ZNF428: variants seen among roughly 807,000 people sequenced by gnomAD.
The protein encoded by ZNF428 is zinc finger protein 428.
ZNF428 carries 5 observed loss-of-function variants against 15.6 expected under a neutral mutation model. That is an observed-to-expected ratio of 0.32 (90% CI 0.17 to 0.67). The LOEUF is 0.67. ZNF428 is among the 30% of genes least tolerant of loss of function. The pLI, the probability that ZNF428 is intolerant of heterozygous loss-of-function variation, is 0.73. For synonymous variants in ZNF428, 97 were observed against 102.2 expected (o/e 0.95, Z 0.31); for missense variants, 237 against 256.0 (o/e 0.93, Z 0.51).
chr19:43,613,100 G>A, intron 2 of ZNF428: 2 of 1,551,542 alleles, frequency 1.3e-6, no homozygotes, highest in Non-Finnish European at 1.7e-6. Context: ...GAGCCAGATG[G>A]GAAGACACAG....
In ZNF428 at chr19:43,607,986, C is replaced by A; in HGVS notation, c.198G>T (p.Lys66Asn). 1 of 1,611,414 alleles carries A rather than the reference C, an allele frequency of 6.2e-7. No homozygotes were observed. The highest frequency in any genetic ancestry group is 8.5e-7 in the Non-Finnish European group (1 of 1,179,046). ...TDDPEYDPGY[K>N]VKQRLGGGRG... Reference sequence around the variant, plus strand: ...GGCCCCCGCCAAGGCGCTGCTTCACCTTGTAGCCAGGATCATATTCAGGAT... The same window carrying A: ...GGCCCCCGCCAAGGCGCTGCTTCACATTGTAGCCAGGATCATATTCAGGAT... Residue 66 changes from lysine to asparagine, a missense_variant, in exon 3 of 3, where the codon AAG (lysine) becomes AAT (asparagine). Transcript: ENST00000300811. The surrounding 1 kb of genome is among the most constrained non-coding windows in gnomAD (Gnocchi z 5.1).
chr19:43,617,371 G>A (rs190724039), intron 1 of ZNF428, among the ~76,000 whole-genome samples: 1 of 152,224 alleles, frequency 6.6e-6, no homozygotes, highest in African/African-American at 2.4e-5. Flanking sequence ...ACATGCCAAG[G>A]CCCATGCACT....
intron 1 of ZNF428, among the ~76,000 whole-genome samples, chr19:43,615,247 G>A (rs920114253): frequency 4.6e-5 from 7 of 151,924 alleles, no homozygotes; most frequent in Non-Finnish European, 7.4e-5. Flanking sequence ...TGTCCCCTCC[G>A]ATTCCATTCC....
rs1568535117 is a variant in ZNF428 at position 43,613,364 on chromosome 19, C to T, written c.76+865G>A. 11 of 1,549,904 alleles carry T rather than the reference C, an allele frequency of 7.1e-6. No homozygotes were observed. The East Asian group carries it at 1.5e-4, about 21-fold the overall frequency. On this transcript the variant is annotated intron_variant, in intron 2 of 2. Transcript: ENST00000300811. ...TCCCAACAAGGCGAGAGATCGCAGC[C>T]GATCTAGAAGTCCCTACAAGGCGAG...
intron 1 of ZNF428, among the ~76,000 whole-genome samples, chr19:43,615,741 T>C (rs1460188469): frequency 6.6e-6 from 1 of 152,002 alleles, no homozygotes; most frequent in East Asian, 1.9e-4. Flanking sequence ...CTCAAGGAAA[T>C]GCTTACTTAG....
intron 1 of ZNF428, 52 bp from the exon 2 acceptor site, chr19:43,614,486 G>C (rs529429459): frequency 1.4e-6 from 2 of 1,418,296 alleles, no homozygotes; most frequent in South Asian, 3.1e-5. Flanking sequence ...TTTTTACATA[G>C]CACCCATCCC....
At chr19:43,611,832 G>A (rs1480261123) in intron 2 of ZNF428, among the ~76,000 whole-genome samples, 5 of 152,198 alleles carry the variant, frequency 3.3e-5, no homozygotes, top group African/African-American at 1.2e-4. Flanking sequence ...TGAAGGCAGG[G>A]CCTGGGTCTG....
At position 43,607,695 on chromosome 19, in the gene ZNF428, A is replaced by G; in HGVS notation, c.489T>C (p.Cys163=). The stretch of plus-strand genomic sequence containing the variant: ...TGTCGAAGGAATCCTCACATTCCGT[A>G]CAGTGGTAGGTTCCCTCCTCCTCCT... ...EEEEEEGTYH[C]TECEDSFDNL... The change falls in exon 3 of 3, where the codon TGT becomes TGC. Residue 163 remains cysteine, a synonymous_variant. Coordinates refer to ENST00000300811, the MANE Select transcript of ZNF428 (RefSeq NM_182498.4). The surrounding 1 kb of genome is among the most constrained non-coding windows in gnomAD (Gnocchi z 5.1). The G allele has an allele frequency of 6.2e-7, 1 of 1,613,894 alleles. No individual in the cohort carries two copies. The highest frequency in any genetic ancestry group is 8.5e-7 in the Non-Finnish European group (1 of 1,179,904).
In ZNF428 at chr19:43,608,094, G is replaced by C. The variant is rs777315659; in HGVS notation, c.90C>G (p.Ser30=). ...DEDLSPGPEH[S]SDSEYTLSEP... Reference sequence around the variant, plus strand: ...CTGAGAGAGTGTATTCTGAATCAGAGGAATGCTCGGGGCCTGGAGGGGGAC... The same window carrying C: ...CTGAGAGAGTGTATTCTGAATCAGACGAATGCTCGGGGCCTGGAGGGGGAC... Residue 30 remains serine (S), a synonymous_variant, in exon 3 of 3, where the codon TCC becomes TCG. Transcript: ENST00000300811. 1 of 1,612,734 alleles carries C rather than the reference G, an allele frequency of 6.2e-7. No homozygotes were observed. The highest frequency in any genetic ancestry group is 1.1e-5 in the South Asian group (1 of 90,954).
intron 1 of ZNF428, among the ~76,000 whole-genome samples, chr19:43,617,356 C>G (rs1353000408): frequency 6.6e-6 from 1 of 152,258 alleles, no homozygotes; most frequent in Non-Finnish European, 1.5e-5. Flanking sequence ...TCAGCTATAT[C>G]TCTTACATGC....
chr19:43,617,146 A>C (rs916062008), intron 1 of ZNF428, among the ~76,000 whole-genome samples: 1 of 151,834 alleles, frequency 6.6e-6, no homozygotes, highest in South Asian at 2.1e-4. Flanking sequence ...TTCAAAGCCC[A>C]CCACAAACAT....
At position 43,608,015 on chromosome 19, in the gene ZNF428, CAGT is replaced by C; in HGVS notation, c.166_168del (p.Thr56del). On this transcript the variant is annotated inframe_deletion, in exon 3 of 3. Coordinates refer to ENST00000300811, the MANE Select transcript of ZNF428 (RefSeq NM_182498.4). ...TAGCCAGGATCATATTCAGGATCGT[CAGT>C]GGTCTCCTCTTCCTCCTCCTCCTCA... The C allele has an allele frequency of 6.2e-7, 1 of 1,613,488 alleles. No homozygotes were observed. The highest frequency in any genetic ancestry group is 8.5e-7 in the Non-Finnish European group (1 of 1,179,936).
chr19:43,610,222 TAG>T (rs1475664354), intron 2 of ZNF428, among the ~76,000 whole-genome samples: 3 of 151,676 alleles, frequency 2.0e-5, no homozygotes, highest in Admixed American at 1.3e-4. Context: ...TCTTTTGAGA[TAG>T]AGTCTCGCTC....
At position 43,612,811 on chromosome 19, in the gene ZNF428, G is replaced by T. The variant is rs1397238413; in HGVS notation, c.76+1418C>A. 6.4e-7 allele frequency: 1 copy of T among 1,551,574 alleles called. No homozygotes were observed. Among genetic ancestry groups the T allele is most frequent in the Non-Finnish European group, 8.7e-7 (1 of 1,146,936 alleles). On this transcript the variant is annotated intron_variant, in intron 2 of 2. Coordinates refer to ENST00000300811, the MANE Select transcript of ZNF428 (RefSeq NM_182498.4). This position sits in a 1 kb window ranked among gnomAD's most constrained non-coding sequence, Gnocchi z 4.2. Reference sequence around the variant, plus strand: ...CGACTGGAATTCCCTCCAAGGAGAAGAGTGACAACCCATCTCCATCCTCAT... The same window carrying T: ...CGACTGGAATTCCCTCCAAGGAGAATAGTGACAACCCATCTCCATCCTCAT...
chr19:43,607,367 G>T lies in ZNF428; in HGVS notation c.*250C>A. The T allele has an allele frequency of 2.3e-6, 1 of 440,060 alleles. No homozygotes were observed. The highest frequency in any genetic ancestry group is 3.9e-6 in the Non-Finnish European group (1 of 255,538). 27.3% of individuals were successfully genotyped at this position (440,060 alleles called of 1,614,324 possible). A position where few individuals can be genotyped will look rare whatever the true frequency, so the allele number is the denominator to read the frequency against. ...AAGGTTCCCCAAGAAGGAGCCCAGG[G>T]GGAATACACACACACACACACACAC... On this transcript the variant is annotated 3_prime_UTR_variant, in exon 3 of 3. Coordinates refer to ENST00000300811, the MANE Select transcript of ZNF428 (RefSeq NM_182498.4). The surrounding 1 kb of genome is among the most constrained non-coding windows in gnomAD (Gnocchi z 5.1).
chr19:43,614,531 G>T, intron 1 of ZNF428, 97 bp from the exon 2 acceptor site: 1 of 1,151,288 alleles, frequency 8.7e-7, no homozygotes, highest in Non-Finnish European at 1.2e-6. Context: ...TGCTGGCATG[G>T]GGCACAGAGG....
At chr19:43,618,361 G>T (rs910871543) in intron 1 of ZNF428, among the ~76,000 whole-genome samples, 1 of 151,746 alleles carries the variant, frequency 6.6e-6, no homozygotes, top group Non-Finnish European at 1.5e-5. Flanking sequence ...AAGAGACAGG[G>T]TCTCGCTCAG....
chr19:43,613,278 A>G, intron 2 of ZNF428: 1 of 1,551,602 alleles, frequency 6.4e-7, no homozygotes. Flanking sequence ...CCCAGGAAGG[A>G]GAGTGGTCGC....
intron 1 of ZNF428, among the ~76,000 whole-genome samples, 181 bp downstream of exon 1, chr19:43,619,377 C>A (rs1973411934): frequency 6.6e-6 from 1 of 152,212 alleles, no homozygotes; most frequent in African/African-American, 2.4e-5. Context: ...GCGGAGCGCT[C>A]GGTTCTCCCA....
Sources: gnomAD v4.1 joint callset for allele counts (sites outside exome capture counted in the v4.1 genomes callset) on GRCh38, gnomAD v4.1.1 for gene constraint, Gnocchi (gnomAD v3.1) non-coding constraint, MANE v1.5 for transcripts, NCBI Gene and HGNC (gene_info 2026-07-23, HGNC 2026-07-21) for gene names.